The following PLCE1 variants were observed in gnomAD, a reference collection of about 807,000 sequenced individuals.
The protein encoded by PLCE1 is 1-phosphatidylinositol 4,5-bisphosphate phosphodiesterase epsilon-1.
Under a neutral mutation model 242.8 loss-of-function variants are expected in PLCE1, and 119 were observed. The observed-to-expected ratio is 0.49, with a 90% CI of 0.42 to 0.57. The LOEUF (loss-of-function observed/expected upper bound fraction) is 0.57, where lower values mean the gene tolerates loss of function less well. Among genes scored for constraint, PLCE1 ranks in the 20% least tolerant of loss-of-function variants. The probability of loss-of-function intolerance (pLI) is 0.00; values close to 1 mark genes in which losing one functional copy is unlikely to be tolerated. For synonymous variants in PLCE1, 945 were observed against 1,017.4 expected, an observed-to-expected ratio of 0.93 and a Z score of 1.35; for missense variants, 2,441 against 2,788.8, an observed-to-expected ratio of 0.88 and a Z score of 2.81.
chr10:94,242,340 G>T (rs111989247), intron 7 of PLCE1, among the ~76,000 whole-genome samples: 3,974 of 151,728 alleles, frequency 0.026, 161 homozygotes, highest in African/African-American at 0.088. Context: ...GTCTTGTTCT[G>T]TTGCCCAGGC....
chr10:94,120,843 C>T (rs1011989769), intron 2 of PLCE1: 2 of 152,196 alleles, frequency 1.3e-5, no homozygotes, highest in Non-Finnish European at 2.9e-5. Context: ...CAGGACAGAG[C>T]AAGGAACAAC....
At chr10:94,000,688 G>A (rs1190166617) in intron 1 of PLCE1, among the ~76,000 whole-genome samples, 1 of 152,170 alleles carries the variant, frequency 6.6e-6, no homozygotes, top group Admixed American at 6.5e-5. Context: ...GAATGGTGTT[G>A]CAGCTGCAGG....
chr10:94,275,782 G>A (rs2051929972), intron 19 of PLCE1, among the ~76,000 whole-genome samples: 1 of 151,878 alleles, frequency 6.6e-6, no homozygotes, highest in South Asian at 2.1e-4. Flanking sequence ...GCTGCAATGA[G>A]CCATGTTGTG....
intron 4 of PLCE1, among the ~76,000 whole-genome samples, chr10:94,214,153 G>C (rs1200387156): frequency 6.6e-6 from 1 of 152,178 alleles, no homozygotes; most frequent in African/African-American, 2.4e-5. Flanking sequence ...ACAACATCTT[G>C]TTTTGAGTTA....
At chr10:94,129,600 A>G (rs1468171200) in intron 2 of PLCE1, among the ~76,000 whole-genome samples, 1 of 152,216 alleles carries the variant, frequency 6.6e-6, no homozygotes, top group Non-Finnish European at 1.5e-5. Flanking sequence ...TGGAATGCAC[A>G]TGGTAGTGAG....
At chr10:94,177,447 A>G (rs947980117) in intron 4 of PLCE1, among the ~76,000 whole-genome samples, 1 of 152,190 alleles carries the variant, frequency 6.6e-6, no homozygotes, top group African/African-American at 2.4e-5. Context: ...GCTAGTCAAG[A>G]TTTGTGTTGA....
intron 2 of PLCE1, among the ~76,000 whole-genome samples, chr10:94,127,606 C>T (rs1477567043): frequency 6.6e-6 from 1 of 152,146 alleles, no homozygotes; most frequent in Non-Finnish European, 1.5e-5. Context: ...GGAAATAATT[C>T]GCGGCCATTT....
At chr10:94,244,291 G>A (rs4918172) in intron 7 of PLCE1, among the ~76,000 whole-genome samples, 41,622 of 152,042 alleles carry the variant, frequency 0.27, 5,754 homozygotes, top group Middle Eastern at 0.35. Context: ...CTGAGCATGA[G>A]AGCCTTCCTT....
intron 3 of PLCE1, among the ~76,000 whole-genome samples, chr10:94,159,097 T>G (rs1287553625): frequency 1.3e-5 from 2 of 152,140 alleles, no homozygotes; most frequent in African/African-American, 4.8e-5. Flanking sequence ...TCAACTTTTT[T>G]CTTTTTGCTC....
intron 27 of PLCE1, among the ~76,000 whole-genome samples, chr10:94,310,123 C>A (rs1332408468): frequency 2.6e-5 from 4 of 152,148 alleles, no homozygotes; most frequent in Non-Finnish European, 5.9e-5. Flanking sequence ...CATTGGTTAC[C>A]CCCTTTACAT....
At chr10:94,055,656 C>T (rs1184400464) in intron 2 of PLCE1, among the ~76,000 whole-genome samples, 7 of 152,098 alleles carry the variant, frequency 4.6e-5, no homozygotes, top group Admixed American at 2.6e-4. Context: ...AGGTGTAAGT[C>T]CCAGCTCTGC....
intron 2 of PLCE1, among the ~76,000 whole-genome samples, chr10:94,073,051 A>G (rs2044404959): frequency 6.6e-6 from 1 of 151,074 alleles, no homozygotes; most frequent in Non-Finnish European, 1.5e-5. Context: ...CCCACTTCCT[A>G]CCCCAGGGCA....
chr10:94,077,855 G>A (rs978586753), intron 2 of PLCE1, among the ~76,000 whole-genome samples: 1 of 152,138 alleles, frequency 6.6e-6, no homozygotes, highest in Admixed American at 6.5e-5. Flanking sequence ...GCGAGATAAA[G>A]ATACAAAATT....
At chr10:94,094,775 C>T (rs575976507) in intron 2 of PLCE1, 25 of 152,254 alleles carry the variant, frequency 1.6e-4, no homozygotes, top group Admixed American at 1.0e-3. Flanking sequence ...TGCTCATGCA[C>T]GTAGCTGCCA....
At chr10:94,179,527 T>TG (rs1367626829) in intron 4 of PLCE1, among the ~76,000 whole-genome samples, 14 of 72,974 alleles carry the variant, frequency 1.9e-4, no homozygotes, top group African/African-American at 4.3e-4. Flanking sequence ...TTTTTTTTTT[T>TG]TTTGACAGGG....
intron 11 of PLCE1, among the ~76,000 whole-genome samples, chr10:94,255,878 TCACACACACACACACACA>T (rs1206355849): frequency 1.5e-5 from 1 of 66,716 alleles, no homozygotes; most frequent in Non-Finnish European, 2.7e-5. Flanking sequence ...TTACTTTATC[TCACACACACACACACACA>T]CACACACACA....
chr10:94,293,389 T>G (rs1207266947), intron 22 of PLCE1, 119 bp from the exon 23 acceptor site: 11 of 1,131,956 alleles, frequency 9.7e-6, no homozygotes, highest in Non-Finnish European at 1.3e-5. Flanking sequence ...CCAGTAGGGT[T>G]TCTGTACTAG....
At chr10:94,209,126 A>G (rs1194703571) in intron 4 of PLCE1, among the ~76,000 whole-genome samples, 1 of 152,178 alleles carries the variant, frequency 6.6e-6, no homozygotes, top group Admixed American at 6.5e-5. Flanking sequence ...GTAAGGTTGT[A>G]TGTTTCTTTT....
intron 4 of PLCE1, among the ~76,000 whole-genome samples, chr10:94,216,030 G>A (rs1235911972): frequency 6.6e-6 from 1 of 152,168 alleles, no homozygotes; most frequent in Non-Finnish European, 1.5e-5. Context: ...TGCCTGGGTT[G>A]GAATCCCACC....
Sources: allele counts gnomAD v4.1 joint callset (sites outside exome capture counted in the v4.1 genomes callset), GRCh38; gene constraint gnomAD v4.1.1; transcripts MANE v1.5; gene names NCBI Gene and HGNC (gene_info 2026-07-23, HGNC 2026-07-21).